PXDNL: variants seen among roughly 807,000 people sequenced by gnomAD.
The protein encoded by PXDNL is probable oxidoreductase PXDNL.
PXDNL carries 145 observed loss-of-function variants against 150.8 expected under a neutral mutation model. The observed-to-expected ratio is 0.96, with a 90% CI of 0.84 to 1.10. PXDNL has a LOEUF of 1.10. Ranked by LOEUF, PXDNL falls within the 50% of genes least tolerant of loss-of-function variation. PXDNL has a pLI of 0.00. For missense variants in PXDNL, 2,087 were observed against 1,873.9 expected (o/e 1.11, Z -2.10); for synonymous variants, 757 against 725.7 (o/e 1.04, Z -0.69).
intron 1 of PXDNL, among the ~76,000 whole-genome samples, chr8:51,698,238 G>A (rs1816185348): frequency 6.6e-6 from 1 of 152,190 alleles, no homozygotes; most frequent in Non-Finnish European, 1.5e-5. Flanking sequence ...CTGTCAGATA[G>A]TATTTTACCT....
chr8:51,413,918 AAAT>A (rs1297307190), intron 14 of PXDNL, among the ~76,000 whole-genome samples: 2 of 152,168 alleles, frequency 1.3e-5, no homozygotes, highest in African/African-American at 4.8e-5. Flanking sequence ...CATATCAGAG[AAAT>A]AATCAGCACA....
chr8:51,755,171 T>C (rs1291907656), intron 1 of PXDNL, among the ~76,000 whole-genome samples: 2 of 152,226 alleles, frequency 1.3e-5, no homozygotes, highest in Non-Finnish European at 2.9e-5. Context: ...CAGTGAAATC[T>C]AGTAAATTAA....
chr8:51,374,669 G>A lies in PXDNL; in HGVS notation c.3620C>T (p.Pro1207Leu). ...AAGTGTTGGTCCCACTCTTGTACCA[G>A]GAATCAGGTCTTCAACCATAAGGGC... ...WPALMVEDLI[P>L]GTRVGPTLMC... Residue 1207 changes from proline (P) to leucine (L), a missense_variant, in exon 18 of 23, where the codon CCT (proline) becomes CTT (leucine). Coordinates refer to ENST00000356297, the MANE Select transcript of PXDNL (RefSeq NM_144651.5). 1.9e-6 allele frequency: 3 copies of A among 1,613,920 alleles called. No homozygotes were observed. Among genetic ancestry groups the A allele is most frequent in the Admixed American group, 1.7e-5 (1 of 60,002 alleles).
chr8:51,370,328 C>T (rs905232405), intron 19 of PXDNL, among the ~76,000 whole-genome samples: 11 of 152,288 alleles, frequency 7.2e-5, no homozygotes, highest in African/African-American at 2.4e-4. Flanking sequence ...CAGCCCACAC[C>T]CTGCCATGCC....
chr8:51,652,883 C>T lies in PXDNL; in HGVS notation c.236+1806G>A, dbSNP rs189885202. Among the ~76,000 whole-genome samples the T allele has an allele frequency of 2.1e-3, 314 of 152,090 alleles. 2 individuals carry two copies. The highest frequency in any genetic ancestry group is 7.1e-3 in the African/African-American group (295 of 41,462). On this transcript the variant is annotated intron_variant, in intron 2 of 22. Coordinates refer to ENST00000356297, the MANE Select transcript of PXDNL (RefSeq NM_144651.5). ...CCAAGTGAAGAAGTGGATTATTCAT[C>T]AATAATTAGTGTTCATCAATAATTG...
intron 3 of PXDNL, among the ~76,000 whole-genome samples, chr8:51,586,504 C>T (rs1813325761): frequency 6.6e-6 from 1 of 152,132 alleles, no homozygotes; most frequent in Non-Finnish European, 1.5e-5. Context: ...AAATTGCACT[C>T]ATTTTGTTAA....
intron 1 of PXDNL, among the ~76,000 whole-genome samples, chr8:51,779,769 T>C (rs953958541): frequency 3.9e-5 from 6 of 152,204 alleles, no homozygotes; most frequent in African/African-American, 1.4e-4. Flanking sequence ...GTGACAATGA[T>C]AGCAGCACAA....
At chr8:51,635,644 A>C (rs958006422) in intron 2 of PXDNL, among the ~76,000 whole-genome samples, 1 of 152,026 alleles carries the variant, frequency 6.6e-6, no homozygotes, top group Non-Finnish European at 1.5e-5. Flanking sequence ...AATTACAAAA[A>C]CTGTCTCAAA....
intron 15 of PXDNL, 135 bp downstream of exon 15, chr8:51,413,015 G>C (rs368607159): frequency 3.3e-6 from 2 of 603,770 alleles, no homozygotes; most frequent in East Asian, 2.8e-5. Flanking sequence ...GGCTAGCCCA[G>C]ATGGGGATGC....
chr8:51,614,566 G>T (rs1386010941), intron 2 of PXDNL, among the ~76,000 whole-genome samples: 2 of 152,080 alleles, frequency 1.3e-5, no homozygotes, highest in East Asian at 3.8e-4. Context: ...ACCAATTCAC[G>T]AATTGTTACT....
At chr8:51,739,838 T>C (rs2036884616) in intron 1 of PXDNL, among the ~76,000 whole-genome samples, 1 of 144,796 alleles carries the variant, frequency 6.9e-6, no homozygotes, top group Non-Finnish European at 1.5e-5. Context: ...ATAGCACCAC[T>C]GCACTCCAGC....
Position 51,398,235 on chromosome 8 carries a change from C to G in PXDNL, c.3557+9832G>C, listed in dbSNP as rs560045584. 1.8e-3 allele frequency among the ~76,000 whole-genome samples: 279 copies of G among 152,324 alleles called. 3 individuals carry two copies. Among genetic ancestry groups the G allele is most frequent in the African/African-American group, 6.3e-3 (260 of 41,574 alleles). Reference sequence around the variant, plus strand: ...GAAATCTCGCCCACACTGCACAGGGCACTAGAATCCCAGCACAGCAAGGTG... The same window carrying G: ...GAAATCTCGCCCACACTGCACAGGGGACTAGAATCCCAGCACAGCAAGGTG... On this transcript the variant is annotated intron_variant, in intron 17 of 22. Coordinates refer to ENST00000356297, the MANE Select transcript of PXDNL (RefSeq NM_144651.5).
At chr8:51,554,149 C>T (rs1812553134) in intron 4 of PXDNL, among the ~76,000 whole-genome samples, 1 of 152,168 alleles carries the variant, frequency 6.6e-6, no homozygotes, top group Non-Finnish European at 1.5e-5. Flanking sequence ...AAATCTGCTG[C>T]CAAGGCTTAC....
At chr8:51,440,892 T>A (rs1336398882) in intron 12 of PXDNL, among the ~76,000 whole-genome samples, 1 of 152,174 alleles carries the variant, frequency 6.6e-6, no homozygotes, top group African/African-American at 2.4e-5. Flanking sequence ...GCCTCTCCCC[T>A]GTGGGGCTTA....
intron 1 of PXDNL, among the ~76,000 whole-genome samples, chr8:51,762,284 C>T (rs2037173733): frequency 6.6e-6 from 1 of 152,166 alleles, no homozygotes; most frequent in Non-Finnish European, 1.5e-5. Flanking sequence ...AATATATTTC[C>T]TTGCCATACC....
At chr8:51,344,406 C>A (rs752187698) in intron 20 of PXDNL, among the ~76,000 whole-genome samples, 9 of 152,128 alleles carry the variant, frequency 5.9e-5, no homozygotes, top group Non-Finnish European at 1.3e-4. Flanking sequence ...CTCATTTAGA[C>A]ACATGAATTG....
chr8:51,553,224 A>C (rs1585574506), intron 4 of PXDNL, among the ~76,000 whole-genome samples: 1 of 152,280 alleles, frequency 6.6e-6, no homozygotes, highest in African/African-American at 2.4e-5. Flanking sequence ...CGTGGGTTGA[A>C]GTCTTGTGCT....
chr8:51,796,550 A>G (rs1173661861), intron 1 of PXDNL, among the ~76,000 whole-genome samples: 1 of 152,214 alleles, frequency 6.6e-6, no homozygotes, highest in Admixed American at 6.5e-5. Context: ...AAACACCTCT[A>G]TGCAAATAAA....
intron 3 of PXDNL, among the ~76,000 whole-genome samples, chr8:51,578,115 AAAG>A (rs1442228902): frequency 7.0e-6 from 1 of 142,210 alleles, no homozygotes; most frequent in Non-Finnish European, 1.5e-5. Context: ...AGAAAGAAAG[AAAG>A]AAGGAAAGAA....
Sources: gnomAD v4.1 joint callset for allele counts (sites outside exome capture counted in the v4.1 genomes callset) on GRCh38, gnomAD v4.1.1 for gene constraint, MANE v1.5 for transcripts, NCBI Gene and HGNC (gene_info 2026-07-23, HGNC 2026-07-21) for gene names.